Variants in CSGALNACT1 observed in about 807,000 individuals in gnomAD.
CSGALNACT1 encodes chondroitin sulfate N-acetylgalactosaminyltransferase 1, also known as beta4GalNAcT-1.
In CSGALNACT1, 52 loss-of-function variants were observed where a neutral mutation model predicts 51.0. The ratio of observed to expected loss-of-function variants is 1.02; its 90% CI spans 0.82 to 1.29. The LOEUF (loss-of-function observed/expected upper bound fraction) is 1.29, where lower values mean the gene tolerates loss of function less well. Among genes scored for constraint, CSGALNACT1 ranks in the 50% most tolerant of loss-of-function variants. CSGALNACT1 has a pLI of 0.00. For synonymous variants in CSGALNACT1, 341 were observed against 254.4 expected, an observed-to-expected ratio of 1.34 and a Z score of -3.24; for missense variants, 935 against 679.2, an observed-to-expected ratio of 1.38 and a Z score of -4.19.
chr8:19,504,816 G>C (rs937378729), intron 4 of CSGALNACT1, among the ~76,000 whole-genome samples: 1 of 152,204 alleles, frequency 6.6e-6, no homozygotes, highest in Admixed American at 6.5e-5. Context: ...GCACATGTAA[G>C]TGCAATAATA....
chr8:19,412,059 C>A (rs1375974073), intron 8 of CSGALNACT1, among the ~76,000 whole-genome samples: 1 of 152,148 alleles, frequency 6.6e-6, no homozygotes, highest in Admixed American at 6.5e-5. Flanking sequence ...TCTCGAACTC[C>A]TGACCTCAGG....
intron 6 of CSGALNACT1, among the ~76,000 whole-genome samples, chr8:19,437,354 T>C (rs1023351615): frequency 4.6e-5 from 7 of 152,060 alleles, no homozygotes; most frequent in African/African-American, 1.7e-4. Flanking sequence ...CAGTGAGTCG[T>C]AAAGACAGGA....
intron 6 of CSGALNACT1, among the ~76,000 whole-genome samples, chr8:19,422,174 A>T (rs2058055278): frequency 6.6e-6 from 1 of 152,140 alleles, no homozygotes; most frequent in South Asian, 2.1e-4. Context: ...TATGTACATT[A>T]TATATACTTG....
intron 3 of CSGALNACT1, among the ~76,000 whole-genome samples, chr8:19,570,586 G>A (rs1205171475): frequency 2.0e-5 from 3 of 152,118 alleles, no homozygotes; most frequent in Admixed American, 6.6e-5. Flanking sequence ...AGTGGCACAC[G>A]CTGGGAGGGT....
chr8:19,688,324 A>G (rs2061092545), intron 1 of CSGALNACT1, among the ~76,000 whole-genome samples: 1 of 152,214 alleles, frequency 6.6e-6, no homozygotes, highest in African/African-American at 2.4e-5. Flanking sequence ...TGCAGCATCC[A>G]TCCACATGGG....
upstream of CSGALNACT1, among the ~76,000 whole-genome samples, chr8:19,605,211 T>C (rs1372563378): frequency 6.6e-6 from 1 of 152,180 alleles, no homozygotes; most frequent in Non-Finnish European, 1.5e-5. Context: ...ACAGTGACAA[T>C]GACATCCCTC....
At chr8:19,641,479 G>A (rs1490099727) in intron 1 of CSGALNACT1, among the ~76,000 whole-genome samples, 1 of 152,148 alleles carries the variant, frequency 6.6e-6, no homozygotes. Flanking sequence ...CTGGACAGCT[G>A]CAACCATACC....
intron 1 of CSGALNACT1, among the ~76,000 whole-genome samples, chr8:19,670,927 T>C (rs751399272): frequency 4.6e-5 from 7 of 152,082 alleles, no homozygotes; most frequent in Non-Finnish European, 1.0e-4. Flanking sequence ...ACAAGTGCCA[T>C]GGGGACTTAA....
chr8:19,653,930 T>A (rs1589286393), intron 1 of CSGALNACT1, among the ~76,000 whole-genome samples: 1 of 152,170 alleles, frequency 6.6e-6, no homozygotes, highest in Non-Finnish European at 1.5e-5. Context: ...GTGTTCACTG[T>A]CTGACATGCC....
At chr8:19,428,825 ATGTGTGTGTGTGTGTGTGTG>A (rs59241616) in intron 6 of CSGALNACT1, among the ~76,000 whole-genome samples, 6,799 of 143,456 alleles carry the variant, frequency 0.047, 194 homozygotes, top group Middle Eastern at 0.092. Context: ...AAGACATGAT[ATGTGTGTGTGTGTGTGTGTG>A]TGTGTGTGTG....
At chr8:19,503,080 G>T (rs1330662823) in intron 4 of CSGALNACT1, among the ~76,000 whole-genome samples, 1 of 152,180 alleles carries the variant, frequency 6.6e-6, no homozygotes, top group Non-Finnish European at 1.5e-5. Context: ...GACTATCAAA[G>T]ATTGCCTCCA....
intron 1 of CSGALNACT1, among the ~76,000 whole-genome samples, chr8:19,755,476 A>AAAAAAAAAAAAAAC: frequency 1.4e-5 from 2 of 147,106 alleles, no homozygotes; most frequent in Non-Finnish European, 3.0e-5. Context: ...AAAAAAAAAA[A>AAAAAAAAAAAAAAC]AAAAAGACAA....
chr8:19,549,407 T>C (rs1326360390), intron 3 of CSGALNACT1, among the ~76,000 whole-genome samples: 3 of 152,182 alleles, frequency 2.0e-5, no homozygotes, highest in Admixed American at 2.0e-4. Context: ...GGTTGATTTC[T>C]CTATGTATCT....
At chr8:19,749,453 A>C (rs1030545818) in intron 1 of CSGALNACT1, among the ~76,000 whole-genome samples, 1 of 152,166 alleles carries the variant, frequency 6.6e-6, no homozygotes, top group African/African-American at 2.4e-5. Context: ...CCATGGCATA[A>C]TAAATAACGA....
intron 1 of CSGALNACT1, among the ~76,000 whole-genome samples, chr8:19,704,974 A>C (rs990799664): frequency 7.2e-5 from 11 of 152,190 alleles, no homozygotes; most frequent in African/African-American, 2.7e-4. Context: ...AATGATGCAA[A>C]CTTTCCATTA....
chr8:19,560,965 G>A (rs918175683), intron 3 of CSGALNACT1, among the ~76,000 whole-genome samples: 3 of 152,110 alleles, frequency 2.0e-5, no homozygotes, highest in Non-Finnish European at 4.4e-5. Context: ...CAAAATCTAA[G>A]AAGCCACAGC....
At chr8:19,739,951 A>G (rs892543186) in intron 1 of CSGALNACT1, among the ~76,000 whole-genome samples, 1 of 152,212 alleles carries the variant, frequency 6.6e-6, no homozygotes, top group African/African-American at 2.4e-5. Context: ...AGACCAGCAG[A>G]TACTCAAACC....
chr8:19,457,444 C>G (rs190965438), intron 5 of CSGALNACT1: 7 of 361,526 alleles, frequency 1.9e-5, no homozygotes, highest in African/African-American at 4.3e-5. Flanking sequence ...GAAACCCGGT[C>G]TCTACTAAAA....
intron 3 of CSGALNACT1, among the ~76,000 whole-genome samples, chr8:19,561,054 G>A (rs2040593681): frequency 2.0e-5 from 3 of 152,140 alleles, no homozygotes; most frequent in Admixed American, 6.5e-5. Flanking sequence ...TACAAAGGCT[G>A]ACTTCATTTA....
Sources: allele counts gnomAD v4.1 joint callset (sites outside exome capture counted in the v4.1 genomes callset), GRCh38; gene constraint gnomAD v4.1.1; transcripts MANE v1.5; gene names NCBI Gene and HGNC (gene_info 2026-07-23, HGNC 2026-07-21).